The following MYH11 variants were observed in gnomAD, a reference collection of about 807,000 sequenced individuals.
MYH11 encodes the protein myosin heavy chain 11, also known as myosin-11.
A neutral mutation model predicts 246.6 loss-of-function variants in MYH11; 80 were observed. That is an observed-to-expected ratio of 0.32 (90% CI 0.27 to 0.39). MYH11 has a LOEUF of 0.39. MYH11 is among the 10% of genes least tolerant of loss of function. MYH11 has a pLI of 1.00. For missense variants in MYH11, 2,158 were observed against 2,546.8 expected (o/e 0.85, Z 3.29); for synonymous variants, 1,071 against 1,015.5 (o/e 1.05, Z -1.04).
intron 3 of MYH11, among the ~76,000 whole-genome samples, chr16:15,807,239 C>T (rs570790912): frequency 4.3e-4 from 66 of 152,200 alleles, no homozygotes; most frequent in African/African-American, 1.4e-3. Flanking sequence ...GTGATCCTCC[C>T]GCCTTGGCCT....
chr16:15,775,934 TGAA>T, intron 8 of MYH11, 141 bp downstream of exon 8: 1 of 739,710 alleles, frequency 1.4e-6, no homozygotes, highest in East Asian at 2.5e-5. Flanking sequence ...TGGGAGGAGA[TGAA>T]GAACTGTTCA....
chr16:15,704,923 C>T (rs1301692967), intron 40 of MYH11, among the ~76,000 whole-genome samples: 4 of 152,182 alleles, frequency 2.6e-5, no homozygotes, highest in African/African-American at 9.7e-5. Context: ...AAGCAGTTCT[C>T]CTACCTTGGC....
chr16:15,708,609 G>C (rs1270682047), intron 40 of MYH11, among the ~76,000 whole-genome samples: 2 of 152,240 alleles, frequency 1.3e-5, no homozygotes, highest in Non-Finnish European at 2.9e-5. Context: ...TGGGTCAAGA[G>C]ATGAGGTCTA....
chr16:15,780,740 C>T (rs1376749482), intron 6 of MYH11, among the ~76,000 whole-genome samples: 1 of 152,034 alleles, frequency 6.6e-6, no homozygotes, highest in African/African-American at 2.4e-5. Flanking sequence ...AACTCAGCCT[C>T]CCAAGGTGCT....
rs2041271138 is a variant in MYH11, at chr16:15,741,513, T to C, written c.2809A>G (p.Arg937Gly). The C allele has an allele frequency of 1.9e-6, 3 of 1,609,636 alleles. No individual in the cohort carries two copies. Among genetic ancestry groups the C allele is most frequent in the Non-Finnish European group, 2.5e-6 (3 of 1,180,000 alleles). ...MEARLEEEED[R>G]GQQLQAERKK... ...CTTTCAGCCTGTAGCTGCTGGCCCC[T>C]GTCTTCCTCCTCCTCCAGGCGGGCC... The change falls in exon 22 of 41, where the codon AGG becomes GGG. Residue 937 changes from arginine to glycine, a missense_variant. Around this residue, in one of 11 missense-constraint regions of MYH11, gnomAD observed 284 missense variants for 315.4 expected, o/e 0.90. Coordinates refer to ENST00000300036, the MANE Select transcript of MYH11 (RefSeq NM_002474.3).
intron 5 of MYH11, chr16:15,785,008 A>ATTTTTTTTTTT (rs398028825): frequency 0.023 from 2,275 of 97,782 alleles, 331 homozygotes; most frequent in East Asian, 0.035. Context: ...AATTCTCTTG[A>ATTTTTTTTTTT]TTTTTTTTTT....
intron 1 of MYH11, among the ~76,000 whole-genome samples, chr16:15,855,519 T>C (rs1201973206): frequency 6.6e-6 from 1 of 152,164 alleles, no homozygotes; most frequent in Non-Finnish European, 1.5e-5. Flanking sequence ...TGTGTGACAC[T>C]TTACCTCTCT....
chr16:15,788,731 T>C lies in MYH11; in HGVS notation c.531-1999A>G, dbSNP rs544995340. On this transcript the variant is annotated intron_variant, in intron 4 of 40. Coordinates refer to ENST00000300036, the MANE Select transcript of MYH11 (RefSeq NM_002474.3). ...TTATTTCACATGGCCTCAGAGGCAG[T>C]TTATGAAATGGGGACCATGAAGGCA... Among the ~76,000 whole-genome samples the C allele has an allele frequency of 4.6e-5, 7 of 151,908 alleles. No individual in the cohort carries two copies. The South Asian group carries it at 1.5e-3, about 32-fold the overall frequency.
intron 33 of MYH11, 151 bp downstream of exon 33, chr16:15,720,688 A>G (rs750428411): frequency 2.3e-6 from 2 of 864,222 alleles, no homozygotes; most frequent in Non-Finnish European, 3.7e-6. Context: ...AGCTGAGATT[A>G]CGCCACTGCA....
chr16:15,820,701 T>C (rs147289767), intron 3 of MYH11, among the ~76,000 whole-genome samples: 2,202 of 152,272 alleles, frequency 0.014, 56 homozygotes, highest in African/African-American at 0.051. Flanking sequence ...TGTCGTTTTA[T>C]GCTCACATGA....
At position 15,852,535 on chromosome 16, in the gene MYH11, G is replaced by A. The variant is rs976202931; in HGVS notation, c.-18+4406C>T. Reference sequence around the variant, plus strand: ...TTTAGTAGAGATAGGGTTTAGCAGAGACCATGTTGGCCAGGCTGGTCTTGA... The same window carrying A: ...TTTAGTAGAGATAGGGTTTAGCAGAAACCATGTTGGCCAGGCTGGTCTTGA... On this transcript the variant is annotated intron_variant, in intron 1 of 40. Coordinates refer to ENST00000300036, the MANE Select transcript of MYH11 (RefSeq NM_002474.3). Among the ~76,000 whole-genome samples the A allele has an allele frequency of 5.9e-5, 9 of 151,990 alleles. No individual in the cohort carries two copies. The East Asian group carries it at 1.7e-3, about 29-fold the overall frequency.
intron 25 of MYH11, among the ~76,000 whole-genome samples, chr16:15,736,016 CG>C (rs2041107184): frequency 6.6e-6 from 1 of 152,168 alleles, no homozygotes; most frequent in South Asian, 2.1e-4. Context: ...CCACTGCTTG[CG>C]GGGGATATTC....
intron 1 of MYH11, among the ~76,000 whole-genome samples, chr16:15,842,947 G>A (rs899683216): frequency 6.6e-6 from 1 of 152,080 alleles, no homozygotes; most frequent in Non-Finnish European, 1.5e-5. Context: ...TTAGCTCATA[G>A]TAAGACCAAC....
At chr16:15,747,424 G>T in intron 19 of MYH11, 146 bp downstream of exon 19, 1 of 984,776 alleles carries the variant, frequency 1.0e-6, no homozygotes, top group Non-Finnish European at 1.6e-6. Flanking sequence ...TAAAGTAGAA[G>T]CATTTCTTCC....
At chr16:15,838,944 CA>C (rs2043980453) in intron 1 of MYH11, among the ~76,000 whole-genome samples, 1 of 151,268 alleles carries the variant, frequency 6.6e-6, no homozygotes, top group African/African-American at 2.4e-5. Flanking sequence ...CTGTGCGCTG[CA>C]AAATAAGAGT....
intron 3 of MYH11, among the ~76,000 whole-genome samples, chr16:15,812,273 A>G (rs8044595): frequency 0.43 from 64,743 of 151,926 alleles, 16,446 homozygotes; most frequent in African/African-American, 0.72. Context: ...TGTAAAAGGG[A>G]GCTAATAATA....
At position 15,724,898 on chromosome 16, in the gene MYH11, TGGAGCTG is replaced by T; in HGVS notation, c.3946_3952del (p.Gln1316ArgfsTer140). 1 of 1,614,150 alleles carries T rather than the reference TGGAGCTG, an allele frequency of 6.2e-7. No homozygotes were observed. Among genetic ancestry groups the T allele is most frequent in the Non-Finnish European group, 8.5e-7 (1 of 1,180,030 alleles). ...TGGCAGGACACTCACCTGGGTGTCC[TGGAGCTG>T]GGAACTGAGGGACGCCACGTCCTTG... On this transcript the variant is annotated frameshift_variant, in exon 29 of 41. Transcript: ENST00000300036. LOFTEE classifies it high-confidence loss of function.
intron 6 of MYH11, among the ~76,000 whole-genome samples, chr16:15,779,856 A>T (rs977092731): frequency 1.3e-5 from 2 of 152,234 alleles, no homozygotes; most frequent in African/African-American, 4.8e-5. Flanking sequence ...TCAACAGGTG[A>T]GACAGGATTT....
chr16:15,747,803 C>G lies in MYH11; in HGVS notation c.2250+71G>C. ...TGGCCAGTGATGACATGGGTAAGAA[C>G]GGTCCCACCAAGAGCAGCAGGTGGC... On this transcript the variant is annotated intron_variant, in intron 18 of 40. Transcript: ENST00000300036. 5 of 1,612,170 alleles carry G rather than the reference C, an allele frequency of 3.1e-6. No individual in the cohort carries two copies. The Admixed American group carries it at 8.3e-5, about 27-fold the overall frequency.
Sources: gnomAD v4.1 joint callset for allele counts (sites outside exome capture counted in the v4.1 genomes callset) on GRCh38, gnomAD v4.1.1 for gene constraint, gnomAD v4.1.1 regional missense constraint, MANE v1.5 for transcripts, NCBI Gene and HGNC (gene_info 2026-07-23, HGNC 2026-07-21) for gene names.